CGNL1: variants seen among roughly 807,000 people sequenced by gnomAD.
CGNL1 encodes cingulin-like protein 1.
A neutral mutation model predicts 141.2 loss-of-function variants in CGNL1; 132 were observed. The observed-to-expected ratio is 0.93, with a 90% CI of 0.81 to 1.08. The LOEUF (loss-of-function observed/expected upper bound fraction) is 1.08. CGNL1 is among the 50% of genes least tolerant of loss of function. The pLI is 0.00. For synonymous variants in CGNL1, 690 were observed against 622.1 expected (o/e 1.11, Z -1.63); for missense variants, 1,870 against 1,588.6 (o/e 1.18, Z -3.01).
chr15:57,444,419 C>G (rs572595311), intron 4 of CGNL1, among the ~76,000 whole-genome samples: 4 of 152,234 alleles, frequency 2.6e-5, no homozygotes, highest in South Asian at 2.1e-4. Flanking sequence ...TAAACACATT[C>G]ACTCATTTCT....
At chr15:57,509,811 G>A (rs2030085854) in intron 8 of CGNL1, among the ~76,000 whole-genome samples, 1 of 152,168 alleles carries the variant, frequency 6.6e-6, no homozygotes, top group Non-Finnish European at 1.5e-5. Context: ...ATGGCTAAAA[G>A]TCAACTATTT....
chr15:57,498,994 C>G (rs2063983111), intron 8 of CGNL1, among the ~76,000 whole-genome samples: 1 of 152,052 alleles, frequency 6.6e-6, no homozygotes, highest in South Asian at 2.1e-4. Context: ...GCAAGAAGGC[C>G]ACTGAAGCAT....
At chr15:57,442,182 G>A (rs1480196154) in intron 3 of CGNL1, among the ~76,000 whole-genome samples, 191 bp from the exon 4 acceptor site, 71 of 96,484 alleles carry the variant, frequency 7.4e-4, no homozygotes, top group East Asian at 1.8e-3. Context: ...TCATTTATTT[G>A]AAAAAAAAAA....
chr15:57,475,055 C>T (rs1595743699), intron 8 of CGNL1, among the ~76,000 whole-genome samples: 1 of 152,338 alleles, frequency 6.6e-6, no homozygotes, highest in African/African-American at 2.4e-5. Context: ...CAGTTCCATC[C>T]TCTGACCTCC....
At position 57,508,594 on chromosome 15, in the gene CGNL1, G is replaced by C. The variant is rs186619428; in HGVS notation, c.2404-8186G>C. Among the ~76,000 whole-genome samples the C allele has an allele frequency of 3.6e-3, 552 of 152,368 alleles. 4 individuals carry two copies. The highest frequency in any genetic ancestry group is 0.013 in the African/African-American group (535 of 41,590). On this transcript the variant is annotated intron_variant, in intron 8 of 18. Transcript: ENST00000281282. ...AGAAGGAAGGTTGCAATGTGAGCTGGCTGCAAAGCCTGCAGTAGCGCACAA... is the reference window on the plus strand; with the variant it reads ...AGAAGGAAGGTTGCAATGTGAGCTGCCTGCAAAGCCTGCAGTAGCGCACAA...
chr15:57,405,944 G>A (rs1202287897), intron 1 of CGNL1: 1 of 149,586 alleles, frequency 6.7e-6, no homozygotes, highest in Non-Finnish European at 1.5e-5. Context: ...ACAAATAAAT[G>A]CCTTTTATTC....
chr15:57,509,236 C>T (rs1336885925), intron 8 of CGNL1, among the ~76,000 whole-genome samples: 1 of 152,188 alleles, frequency 6.6e-6, no homozygotes, highest in African/African-American at 2.4e-5. Context: ...CCCCAACACA[C>T]TGGAGCGTGG....
intron 16 of CGNL1, among the ~76,000 whole-genome samples, chr15:57,545,127 G>T (rs1399742175): frequency 1.3e-5 from 2 of 152,200 alleles, no homozygotes; most frequent in African/African-American, 4.8e-5. Flanking sequence ...CCGAGGGCCA[G>T]CACCAGGTTC....
At chr15:57,489,809 G>C (rs1029162770) in intron 8 of CGNL1, among the ~76,000 whole-genome samples, 1 of 152,224 alleles carries the variant, frequency 6.6e-6, no homozygotes, top group South Asian at 2.1e-4. Context: ...AAAAGAGACT[G>C]TTTAGACCAG....
Position 57,465,498 on chromosome 15 carries a change from C to A in CGNL1, c.2403+3606C>A, listed in dbSNP as rs143802773. ...CTCCACCTCCTGGGTTCAAGTGATT[C>A]TCCTGCCCCAGCTTCCTGAGTAGCT... is the stretch of plus-strand genomic sequence containing the variant. On this transcript the variant is annotated intron_variant, in intron 8 of 18. Transcript: ENST00000281282. Among the ~76,000 whole-genome samples, 879 of 146,730 alleles carry A rather than the reference C, an allele frequency of 6.0e-3. 6 individuals are homozygous for A. Among genetic ancestry groups the A allele is most frequent in the African/African-American group, 0.022 (859 of 39,554 alleles).
chr15:57,481,641 T>C (rs1488376838), intron 8 of CGNL1, among the ~76,000 whole-genome samples: 11 of 152,244 alleles, frequency 7.2e-5, no homozygotes, highest in African/African-American at 2.4e-4. Flanking sequence ...ATAAAGCTTC[T>C]ATGAACACAG....
Position 57,439,452 on chromosome 15 carries a change from C to A in CGNL1, c.1453C>A (p.Pro485Thr). 1 of 1,614,042 alleles carries A rather than the reference C, an allele frequency of 6.2e-7. No homozygotes were observed. The highest frequency in any genetic ancestry group is 8.5e-7 in the Non-Finnish European group (1 of 1,180,034). ...GSQESTVIRA[P>T]SLGAQSKKEE... ...TCAGGAAAGTACAGTGATCCGTGCG[C>A]CCTCCCTTGGTGCACAGAGTAAAAA... Residue 485 changes from proline to threonine, a missense_variant, in exon 2 of 19, where the codon CCC becomes ACC. Coordinates refer to ENST00000281282, the MANE Select transcript of CGNL1 (RefSeq NM_032866.5).
intron 8 of CGNL1, among the ~76,000 whole-genome samples, chr15:57,508,046 T>A (rs1358836243): frequency 6.6e-6 from 1 of 152,220 alleles, no homozygotes; most frequent in Admixed American, 6.5e-5. Context: ...AATATTGATC[T>A]GTATGATTTT....
intron 14 of CGNL1, among the ~76,000 whole-genome samples, chr15:57,537,182 G>T (rs2032306560): frequency 6.6e-6 from 1 of 152,210 alleles, no homozygotes; most frequent in South Asian, 2.1e-4. Flanking sequence ...GTGGAGAGAT[G>T]ACTCATCAAG....
At chr15:57,447,191 C>T (rs868399706) in intron 4 of CGNL1, among the ~76,000 whole-genome samples, 2 of 152,300 alleles carry the variant, frequency 1.3e-5, no homozygotes, top group African/African-American at 2.4e-5. Flanking sequence ...CTCTCAGCAG[C>T]GTTCCGTCAT....
At chr15:57,390,425 A>G (rs1428485289) in intron 1 of CGNL1, among the ~76,000 whole-genome samples, 2 of 152,238 alleles carry the variant, frequency 1.3e-5, no homozygotes, top group Admixed American at 6.5e-5. Context: ...CCCTTGGCCA[A>G]CACAAATTGC....
intron 18 of CGNL1, 92 bp downstream of exon 18, chr15:57,546,331 A>C: frequency 2.2e-4 from 301 of 1,386,336 alleles, no homozygotes; most frequent in Non-Finnish European, 2.7e-4. Context: ...CTGTTGTCTC[A>C]AGCCAGCTCC....
chr15:57,531,110 A>G (rs2031927985), intron 13 of CGNL1, among the ~76,000 whole-genome samples: 1 of 152,256 alleles, frequency 6.6e-6, no homozygotes, highest in Non-Finnish European at 1.5e-5. Context: ...AGGAGCCAAC[A>G]AAGAAACCAC....
chr15:57,547,503 G>A lies in CGNL1; in HGVS notation c.*13G>A. 1 of 1,610,382 alleles carries A rather than the reference G, an allele frequency of 6.2e-7. No homozygotes were observed. Among genetic ancestry groups the A allele is most frequent in the Non-Finnish European group, 8.5e-7 (1 of 1,178,360 alleles). On this transcript the variant is annotated 3_prime_UTR_variant, in exon 19 of 19. Transcript: ENST00000281282. Reference sequence around the variant, plus strand: ...CAGCCAGATCTGAGTGCTCTCCCGGGCTGTGGAAGTACCTGTCATTCCTGC... The same window carrying A: ...CAGCCAGATCTGAGTGCTCTCCCGGACTGTGGAAGTACCTGTCATTCCTGC...
Sources: gnomAD v4.1 joint callset for allele counts (sites outside exome capture counted in the v4.1 genomes callset) on GRCh38, gnomAD v4.1.1 for gene constraint, MANE v1.5 for transcripts, NCBI Gene and HGNC (gene_info 2026-07-23, HGNC 2026-07-21) for gene names.